Variants in OPCML observed in about 807,000 individuals in gnomAD.
OPCML encodes opioid-binding protein/cell adhesion molecule.
Under a neutral mutation model 37.8 loss-of-function variants are expected in OPCML, and 13 were observed. The ratio of observed to expected loss-of-function variants is 0.34; its 90% CI spans 0.22 to 0.55. OPCML has a LOEUF of 0.55. Ranked by LOEUF, OPCML falls within the 20% of genes least tolerant of loss-of-function variation. The pLI is 0.91. For synonymous variants in OPCML, 176 were observed against 168.8 expected (o/e 1.04, Z -0.33); for missense variants, 341 against 435.6 (o/e 0.78, Z 1.93).
At chr11:133,059,755 T>C (rs368846237) in intron 1 of OPCML, among the ~76,000 whole-genome samples, 1 of 152,210 alleles carries the variant, frequency 6.6e-6, no homozygotes. Flanking sequence ...ACTGTTTTCA[T>C]GGAGCACAAT....
intron 1 of OPCML, among the ~76,000 whole-genome samples, chr11:132,953,049 T>C (rs1312412166): frequency 6.6e-6 from 1 of 152,182 alleles, no homozygotes; most frequent in Non-Finnish European, 1.5e-5. Context: ...TAGAGAGTGA[T>C]CTATTGAGAA....
At chr11:132,435,088 T>A (rs1014978998) in intron 7 of OPCML, 3 of 862,748 alleles carry the variant, frequency 3.5e-6, no homozygotes, top group Non-Finnish European at 5.0e-6. Flanking sequence ...AGCCTATCTT[T>A]GAAGTAGGCT....
At chr11:133,326,369 T>G (rs1592203333) in intron 1 of OPCML, among the ~76,000 whole-genome samples, 4 of 79,262 alleles carry the variant, frequency 5.0e-5, no homozygotes, top group Non-Finnish European at 7.3e-5. Context: ...GGGGTGTATG[T>G]GTTTGGGGGT....
At chr11:133,166,634 T>C (rs141343968) in intron 1 of OPCML, among the ~76,000 whole-genome samples, 80 of 152,350 alleles carry the variant, frequency 5.3e-4, no homozygotes, top group African/African-American at 1.7e-3. Context: ...AGGTGTGCGA[T>C]GCATGCCAGC....
chr11:133,188,841 C>G (rs1938193206), intron 1 of OPCML, among the ~76,000 whole-genome samples: 1 of 152,162 alleles, frequency 6.6e-6, no homozygotes, highest in South Asian at 2.1e-4. Context: ...AATGCAGTCT[C>G]TCTGCACCCC....
At chr11:132,940,021 T>C (rs1945525605) in intron 2 of OPCML, among the ~76,000 whole-genome samples, 1 of 152,234 alleles carries the variant, frequency 6.6e-6, no homozygotes, top group African/African-American at 2.4e-5. Context: ...GCTTTTCAAG[T>C]AACCCTATGA....
At chr11:133,245,727 T>C (rs1249282301) in intron 1 of OPCML, among the ~76,000 whole-genome samples, 1 of 152,148 alleles carries the variant, frequency 6.6e-6, no homozygotes, top group Non-Finnish European at 1.5e-5. Context: ...CAAATGCCCA[T>C]TAATGATAGA....
At chr11:133,188,361 T>C (rs1441542623) in intron 1 of OPCML, among the ~76,000 whole-genome samples, 2 of 152,202 alleles carry the variant, frequency 1.3e-5, no homozygotes, top group Non-Finnish European at 2.9e-5. Flanking sequence ...TATAAATTCA[T>C]TTTCTTATTT....
chr11:132,686,806 C>T (rs534924316), intron 2 of OPCML, among the ~76,000 whole-genome samples: 1 of 152,254 alleles, frequency 6.6e-6, no homozygotes, highest in African/African-American at 2.4e-5. Flanking sequence ...GACACATCAC[C>T]CACAGATCCC....
intron 2 of OPCML, among the ~76,000 whole-genome samples, chr11:132,685,033 T>G (rs1369504380): frequency 6.6e-6 from 1 of 152,234 alleles, no homozygotes; most frequent in African/African-American, 2.4e-5. Context: ...TATGTAGAGC[T>G]TATTTTAAAT....
intron 4 of OPCML, among the ~76,000 whole-genome samples, chr11:132,527,544 C>T (rs1478731246): frequency 5.3e-5 from 8 of 151,430 alleles, no homozygotes; most frequent in African/African-American, 1.9e-4. Context: ...TGGAATTGCC[C>T]ATTTTTTTTT....
intron 2 of OPCML, among the ~76,000 whole-genome samples, chr11:132,750,276 G>A (rs1945787828): frequency 6.6e-6 from 1 of 152,092 alleles, no homozygotes; most frequent in Non-Finnish European, 1.5e-5. Context: ...AACCACCAAT[G>A]GGCTGGAATG....
chr11:132,705,173 G>A (rs990625256), intron 2 of OPCML, among the ~76,000 whole-genome samples: 3 of 152,156 alleles, frequency 2.0e-5, no homozygotes, highest in African/African-American at 7.2e-5. Context: ...CCCAGTGTTG[G>A]AGGTGGGGCC....
intron 4 of OPCML, among the ~76,000 whole-genome samples, chr11:132,468,724 G>A (rs114366941): frequency 1.6e-4 from 25 of 152,262 alleles, no homozygotes; most frequent in African/African-American, 6.0e-4. Flanking sequence ...ATTACATAAC[G>A]CTCTGTGAGG....
intron 1 of OPCML, among the ~76,000 whole-genome samples, chr11:133,496,814 G>T (rs1947797032): frequency 6.6e-6 from 1 of 152,122 alleles, no homozygotes; most frequent in South Asian, 2.1e-4. Flanking sequence ...AGTCCTTAGG[G>T]TTTTCAAGGT....
At chr11:132,507,690 A>AT (rs144753632) in intron 4 of OPCML, among the ~76,000 whole-genome samples, 30,226 of 151,534 alleles carry the variant, frequency 0.2, 3,110 homozygotes, top group Non-Finnish European at 0.22. Context: ...AAGGAATATA[A>AT]TTTTTAATTA....
At chr11:133,383,829 C>T (rs1944982395) in intron 1 of OPCML, among the ~76,000 whole-genome samples, 1 of 152,144 alleles carries the variant, frequency 6.6e-6, no homozygotes, top group African/African-American at 2.4e-5. Context: ...TTTCTAGTCT[C>T]ATAGTTCATA....
At chr11:132,507,899 C>T (rs1452714275) in intron 4 of OPCML, among the ~76,000 whole-genome samples, 7 of 151,822 alleles carry the variant, frequency 4.6e-5, no homozygotes, top group African/African-American at 1.4e-4. Context: ...ATTTTAAAAT[C>T]ATACATATGG....
intron 2 of OPCML, among the ~76,000 whole-genome samples, chr11:132,720,178 A>T (rs1453751719): frequency 6.6e-6 from 1 of 152,238 alleles, no homozygotes; most frequent in Non-Finnish European, 1.5e-5. Context: ...ACAGCTCTGC[A>T]TGCATTGGTA....
Sources: gnomAD v4.1 joint callset for allele counts (sites outside exome capture counted in the v4.1 genomes callset) on GRCh38, gnomAD v4.1.1 for gene constraint, MANE v1.5 for transcripts, NCBI Gene and HGNC (gene_info 2026-07-23, HGNC 2026-07-21) for gene names.